TTN: variants seen among roughly 807,000 people sequenced by gnomAD.
The protein encoded by TTN is titin.
Under a neutral mutation model 3,223.0 loss-of-function variants are expected in TTN, and 1,525 were observed. That is an observed-to-expected ratio of 0.47 (90% CI 0.45 to 0.49). The LOEUF is 0.49. TTN is among the 20% of genes least tolerant of loss of function. The probability of loss-of-function intolerance (pLI) is 0.00; values close to 1 mark genes in which losing one functional copy is unlikely to be tolerated. For synonymous variants in TTN, 14,094 were observed against 15,161.0 expected (o/e 0.93, Z 5.17); for missense variants, 40,786 against 43,424.0 (o/e 0.94, Z 5.40).
rs757848062 is a variant in TTN at position 178,711,225 on chromosome 2, G to T, written c.28011C>A (p.Asp9337Glu). 6.2e-7 allele frequency: 1 copy of T among 1,613,788 alleles called. No homozygotes were observed. The change falls in exon 97 of 363, where the codon GAC becomes GAA. Residue 9337 changes from aspartate to glutamate, a missense_variant. Asp to Glu is a conservative substitution (Grantham distance 45). Transcript: ENST00000589042. Reference sequence around the variant, plus strand: ...TTGGGCTGTCTTTCAATGGCTTGCCGTCTTTATACCAAGACACGGAGATAG... The same window carrying T: ...TTGGGCTGTCTTTCAATGGCTTGCCTTCTTTATACCAAGACACGGAGATAG... ...SEPISVSWYK[D>E]GKPLKDSPNV... is the part of the protein sequence containing the mutation.
chr2:178,550,021 C>G lies in TTN; in HGVS notation c.91817G>C (p.Gly30606Ala). The G allele has an allele frequency of 1.9e-6, 3 of 1,610,988 alleles. No individual in the cohort carries two copies. Among genetic ancestry groups the G allele is most frequent in the Non-Finnish European group, 2.5e-6 (3 of 1,177,640 alleles). The part of the protein sequence containing the change: ...VYTVEAKNAS[G>A]SAKAEIKVKV... Reference sequence around the variant, plus strand: ...CACTTTAATTTCTGCTTTTGCAGAACCAGATGCATTTTTGGCTTCCACTGT... The same window carrying G: ...CACTTTAATTTCTGCTTTTGCAGAAGCAGATGCATTTTTGGCTTCCACTGT... Residue 30606 changes from glycine to alanine, a missense_variant, in exon 337 of 363, where the codon GGT becomes GCT. Gly to Ala is a moderately conservative substitution (Grantham distance 60). Coordinates refer to ENST00000589042, the MANE Select transcript of TTN (RefSeq NM_001267550.2).
chr2:178,597,632 G>A lies in TTN; in HGVS notation c.57450C>T (p.Ile19150=). The A allele has an allele frequency of 1.2e-6, 2 of 1,613,228 alleles. No homozygotes were observed. The highest frequency in any genetic ancestry group is 1.7e-6 in the Non-Finnish European group (2 of 1,179,514). The change falls in exon 294 of 363, where the codon ATC becomes ATT. Residue 19150 remains isoleucine (I), a synonymous_variant. Transcript: ENST00000589042. ...ETTAISSSMV[I]KNCQRSHQGV... ...CTTGATGGCTCCTCTGGCAGTTCTT[G>A]ATGACCATGGATGAGCTAATGGCTG... is the stretch of plus-strand genomic sequence containing the variant.
chr2:178,576,348 C>A lies in TTN; in HGVS notation c.69784G>T (p.Gly23262Cys). 2.6e-6 allele frequency: 4 copies of A among 1,559,578 alleles called. No individual in the cohort carries two copies. The highest frequency in any genetic ancestry group is 2.6e-6 in the Non-Finnish European group (3 of 1,159,612). ...TTKKSASLAW[G>C]KPHYDGGLEI... ...AGTCCACCATCATAATGAGGCTTGC[C>A]CCATGCCAAAGAAGCAGATTTCTTG... The change falls in exon 326 of 363, where the codon GGC (glycine) becomes TGC (cysteine). Residue 23262 changes from glycine (G) to cysteine (C), a missense_variant. Transcript: ENST00000589042. The surrounding 1 kb of genome is among the most constrained non-coding windows in gnomAD (Gnocchi z 4.3).
At chr2:178,639,837 A>G in intron 222 of TTN, 49 bp from the exon 223 acceptor site, 1 of 1,525,116 alleles carries the variant, frequency 6.6e-7, no homozygotes, top group Non-Finnish European at 8.8e-7. Flanking sequence ...TCACTTCCTA[A>G]AAACTTATTT....
intron 47 of TTN, chr2:178,749,013 AT>A (rs1561003491): frequency 6.2e-7 from 1 of 1,612,508 alleles, no homozygotes; most frequent in South Asian, 1.1e-5. Flanking sequence ...AATTTTTCAA[AT>A]TCGATAATTC....
At position 178,785,631 on chromosome 2, in the gene TTN, G is replaced by A; in HGVS notation, c.2482C>T (p.His828Tyr). The A allele has an allele frequency of 1.9e-6, 3 of 1,614,080 alleles. No individual in the cohort carries two copies. Among genetic ancestry groups the A allele is most frequent in the South Asian group, 2.2e-5 (2 of 91,070 alleles). Reference protein sequence around the residue: ...VSKISVPKTEHGYEASIAGSA... With the variant: ...VSKISVPKTEYGYEASIAGSA... ...CTGTAACTTCTTACCTCATATCCAT[G>A]TTCTGTCTTAGGAACAGAAATTTTT... The change falls in exon 15 of 363, where the codon CAT becomes TAT. Residue 828 changes from histidine (H) to tyrosine (Y), a missense_variant. Coordinates refer to ENST00000589042, the MANE Select transcript of TTN (RefSeq NM_001267550.2).
rs746957606 is a variant in TTN, at chr2:178,539,478, T to A, written c.98587A>T (p.Asn32863Tyr). The change falls in exon 352 of 363, where the codon AAT (asparagine) becomes TAT (tyrosine). Residue 32863 changes from asparagine (N) to tyrosine (Y), a missense_variant. Coordinates refer to ENST00000589042, the MANE Select transcript of TTN (RefSeq NM_001267550.2). ...GAAACACGGAAATGGTATTCTACAT[T>A]CTCTTTGAGGCCTTTTACCACCAGA... The part of the protein sequence containing the change: ...TSLVVKGLKE[N>Y]VEYHFRVSAE... 1.9e-6 allele frequency: 3 copies of A among 1,613,814 alleles called. No individual in the cohort carries two copies. Among genetic ancestry groups the A allele is most frequent in the Non-Finnish European group, 8.5e-7 (1 of 1,179,796 alleles).
At chr2:178,713,505 A>T in intron 92 of TTN, 133 bp from the exon 93 acceptor site, 1 of 1,331,498 alleles carries the variant, frequency 7.5e-7, no homozygotes. Context: ...TTGTGACGGT[A>T]TTAAAAACTC....
intron 165 of TTN, 30 bp downstream of exon 165, chr2:178,665,347 T>G: frequency 6.3e-7 from 1 of 1,586,836 alleles, no homozygotes; most frequent in Non-Finnish European, 8.6e-7. Flanking sequence ...AGATAATTTC[T>G]TCTTCCACAT....
In TTN at chr2:178,558,399, T is replaced by C; in HGVS notation, c.87060A>G (p.Gln29020=). The C allele has an allele frequency of 6.2e-7, 1 of 1,613,766 alleles. No homozygotes were observed. Among genetic ancestry groups the C allele is most frequent in the Non-Finnish European group, 8.5e-7 (1 of 1,179,810 alleles). Residue 29020 remains glutamine, a synonymous_variant, in exon 327 of 363, where the codon CAA becomes CAG. Coordinates refer to ENST00000589042, the MANE Select transcript of TTN (RefSeq NM_001267550.2). ...EYFFRVFAEN[Q]AGLSDPRELL... is the part of the protein sequence containing the mutation. ...GCTCTCTCGGGTCACTCAGGCCAGC[T>C]TGATTTTCAGCAAACACTCGGAAAA...
intron 163 of TTN, 124 bp from the exon 164 acceptor site, chr2:178,665,915 AT>A (rs1403164911): frequency 2.3e-6 from 1 of 429,650 alleles, no homozygotes; most frequent in Admixed American, 4.4e-5. Context: ...CCAGAATCGG[AT>A]CTTTTGTAGC....
intron 236 of TTN, among the ~76,000 whole-genome samples, chr2:178,631,620 T>A (rs753648704): frequency 7.2e-5 from 11 of 152,100 alleles, no homozygotes; most frequent in Non-Finnish European, 1.5e-4. Context: ...TCTTAGCAAC[T>A]CTATTATGTC....
At position 178,545,873 on chromosome 2, in the gene TTN, T is replaced by C. The variant is rs397517761; in HGVS notation, c.95363A>G (p.Tyr31788Cys). 1 of 1,613,862 alleles carries C rather than the reference T, an allele frequency of 6.2e-7. No individual in the cohort carries two copies. Among genetic ancestry groups the C allele is most frequent in the Non-Finnish European group, 8.5e-7 (1 of 1,179,772 alleles). ...TGATTCAACAGGCACACCAGGGCCA[T>C]ATTTGTTTACTGCCCTCACTCGGAA... ...YIFRVRAVNK[Y>C]GPGVPVESEP... The change falls in exon 343 of 363, where the codon TAT (tyrosine) becomes TGT (cysteine). Residue 31788 changes from tyrosine (Y) to cysteine (C), a missense_variant. By Grantham distance (194) the Tyr-to-Cys change is radical. Coordinates refer to ENST00000589042, the MANE Select transcript of TTN (RefSeq NM_001267550.2).
intron 218 of TTN, 146 bp downstream of exon 218, chr2:178,644,402 A>G: frequency 1.7e-6 from 1 of 596,786 alleles, no homozygotes; most frequent in Non-Finnish European, 2.8e-6. Context: ...AGCCAGGACC[A>G]TAAAAGCCAC....
chr2:178,639,954 TACTGACTTTC>T (rs1206537344), intron 222 of TTN, 84 bp downstream of exon 222: 30 of 1,501,314 alleles, frequency 2.0e-5, no homozygotes, highest in Middle Eastern at 1.7e-4. Flanking sequence ...ATTTGATACA[TACTGACTTTC>T]ACCTACTATC....
intron 100 of TTN, 40 bp from the exon 101 acceptor site, chr2:178,706,994 CAGAATTACAATACATATCCCCCTTTGTA>C: frequency 6.5e-7 from 1 of 1,535,660 alleles, no homozygotes; most frequent in Non-Finnish European, 8.8e-7. Context: ...ACAATCACCT[CAGAATTACAATACATATCCCCCTTTGTA>C]AAATAAGCCT....
Position 178,620,051 on chromosome 2 carries a change from C to T in TTN, c.46366G>A (p.Asp15456Asn). The stretch of plus-strand genomic sequence containing the variant: ...ACCCCGCAAGCATATTCACACTCAT[C>T]ATCCAGCCTGCAATCTTTTATAATG... ...RLIIKDCRLDDECEYACGVED... is the reference protein window; with the variant it reads ...RLIIKDCRLDNECEYACGVED... Residue 15456 changes from aspartate to asparagine, a missense_variant, in exon 249 of 363, where the codon GAT (aspartate) becomes AAT (asparagine). Asp to Asn is a conservative substitution (Grantham distance 23). Coordinates refer to ENST00000589042, the MANE Select transcript of TTN (RefSeq NM_001267550.2). 6.2e-7 allele frequency: 1 copy of T among 1,611,990 alleles called. No individual in the cohort carries two copies. The highest frequency in any genetic ancestry group is 8.5e-7 in the Non-Finnish European group (1 of 1,178,812).
chr2:178,684,212 ACAACAACAACAACAT>A (rs2070203894), intron 132 of TTN, 103 bp downstream of exon 132: 2 of 1,318,332 alleles, frequency 1.5e-6, no homozygotes, highest in African/African-American at 1.5e-5. Flanking sequence ...AACAACTGTA[ACAACAACAACAACAT>A]CAACAACAAC....
In TTN at chr2:178,774,033, CTT is replaced by C. The variant is rs1314922132; in HGVS notation, c.7133_7134del (p.Lys2378SerfsTer21). The C allele has an allele frequency of 6.2e-7, 1 of 1,614,100 alleles. No homozygotes were observed. The highest frequency in any genetic ancestry group is 8.5e-7 in the Non-Finnish European group (1 of 1,179,994). On this transcript the variant is annotated frameshift_variant, in exon 31 of 363. Coordinates refer to ENST00000589042, the MANE Select transcript of TTN (RefSeq NM_001267550.2). LOFTEE classifies it high-confidence loss of function. ...ACGCCTTCCACACTTTCCAAGGAGA[CTT>C]TAACTTCAAGCTGAACAATGTCACC... is the stretch of plus-strand genomic sequence containing the variant. ...CEGDIVQLEV[K>X]VSLESVEGVW... is the part of the protein sequence containing the mutation.
Sources: allele counts gnomAD v4.1 joint callset (sites outside exome capture counted in the v4.1 genomes callset), GRCh38; gene constraint gnomAD v4.1.1; non-coding constraint Gnocchi (gnomAD v3.1); transcripts MANE v1.5; gene names NCBI Gene and HGNC (gene_info 2026-07-23, HGNC 2026-07-21).